Variants in CREB5 observed in about 807,000 individuals in gnomAD.
The protein encoded by CREB5 is cAMP responsive element binding protein 5, also known as cyclic AMP-responsive element-binding protein 5.
Under a neutral mutation model 57.1 loss-of-function variants are expected in CREB5, and 19 were observed. That is an observed-to-expected ratio of 0.33 (90% confidence interval 0.23 to 0.49). The LOEUF (loss-of-function observed/expected upper bound fraction) is 0.49, where lower values mean the gene tolerates loss of function less well. CREB5 is among the 20% of genes least tolerant of loss of function. CREB5 has a pLI of 0.99. For missense variants in CREB5, 579 were observed against 671.6 expected, an observed-to-expected ratio of 0.86 and a Z score of 1.52; for synonymous variants, 238 against 238.3, an observed-to-expected ratio of 1.00 and a Z score of 0.01.
chr7:28,301,552 G>A lies in CREB5; in HGVS notation c.-25+2111G>A, dbSNP rs181701440. ...CAGTGAGTTAGAAATTATGACTCAG[G>A]TCCAACCCCGGATATACTGAATAAG... On this transcript the variant is annotated intron_variant, in intron 1 of 9. Coordinates refer to the CREB5 transcript ENST00000396299. 2.0e-3 allele frequency among the ~76,000 whole-genome samples: 310 copies of A among 152,146 alleles called. 1 individual carries two copies. Among genetic ancestry groups the A allele is most frequent in the Non-Finnish European group, 2.3e-3 (155 of 68,026 alleles).
At chr7:28,559,686 T>C (rs1795005921) in intron 4 of CREB5, among the ~76,000 whole-genome samples, 1 of 152,248 alleles carries the variant, frequency 6.6e-6, no homozygotes, top group African/African-American at 2.4e-5. Context: ...GAGGAAATTG[T>C]CTATCAGTTG....
At chr7:28,419,785 A>G (rs1788168303) in intron 1 of CREB5, among the ~76,000 whole-genome samples, 1 of 152,146 alleles carries the variant, frequency 6.6e-6, no homozygotes, top group Non-Finnish European at 1.5e-5. Context: ...AGATATTGTG[A>G]GATTAAAAAA....
chr7:28,800,507 C>T (rs1179200091), intron 7 of CREB5, among the ~76,000 whole-genome samples: 1 of 152,182 alleles, frequency 6.6e-6, no homozygotes, highest in Non-Finnish European at 1.5e-5. Context: ...GGGTTAAAGC[C>T]AAGGGTGAGG....
At position 28,341,703 on chromosome 7, in the gene CREB5, A is replaced by G. The variant is rs923909428; in HGVS notation, c.-25+42262A>G. On this transcript the variant is annotated intron_variant, in intron 1 of 9. Coordinates refer to the CREB5 transcript ENST00000396299. ...ATAACCATTTATTGTTTTACATTGA[A>G]TTGTCCTGGAGAATATAGTGAATTG... is the stretch of plus-strand genomic sequence containing the variant. Among the ~76,000 whole-genome samples the G allele has an allele frequency of 2.6e-5, 4 of 152,334 alleles. No homozygotes were observed. The East Asian group carries it at 7.7e-4, about 29-fold the overall frequency.
At chr7:28,394,182 A>G (rs567140265) in intron 1 of CREB5, among the ~76,000 whole-genome samples, 30 of 151,780 alleles carry the variant, frequency 2.0e-4, no homozygotes, top group African/African-American at 6.8e-4. Context: ...AAAGAAATAT[A>G]ATTGATATTT....
chr7:28,499,176 G>GGA (rs1554333816), intron 3 of CREB5, among the ~76,000 whole-genome samples: 2 of 126,242 alleles, frequency 1.6e-5, no homozygotes, highest in African/African-American at 5.9e-5. Context: ...TTCTGTGCAG[G>GGA]AAAAAAAAAA....
At chr7:28,306,591 C>T (rs1295533246) in intron 1 of CREB5, among the ~76,000 whole-genome samples, 28 of 115,198 alleles carry the variant, frequency 2.4e-4, no homozygotes, top group Non-Finnish European at 4.6e-4. Flanking sequence ...GACGGAGTCT[C>T]GCTCTGTCGC....
intron 1 of CREB5, among the ~76,000 whole-genome samples, chr7:28,363,786 T>A (rs1786534036): frequency 6.6e-6 from 1 of 152,226 alleles, no homozygotes; most frequent in Non-Finnish European, 1.5e-5. Context: ...GACTCCAGAA[T>A]GCTACTTAAT....
intron 5 of CREB5, among the ~76,000 whole-genome samples, chr7:28,613,711 C>T (rs958415480): frequency 2.6e-5 from 4 of 152,146 alleles, no homozygotes; most frequent in African/African-American, 7.2e-5. Context: ...CCAACAAACT[C>T]AGTAGGCATT....
chr7:28,809,239 A>C lies in CREB5; in HGVS notation c.1079A>C (p.Gln360Pro), dbSNP rs878881764. 1.2e-6 allele frequency: 2 copies of C among 1,614,140 alleles called. No homozygotes were observed. Among genetic ancestry groups the C allele is most frequent in the South Asian group, 2.2e-5 (2 of 91,070 alleles). ...CCAACCCAGACAATACAGCCACCCC[A>C]GCCCACAGGGGGGCGCCGGCGAAGG... is the stretch of plus-strand genomic sequence containing the variant. ...MQPTQTIQPP[Q>P]PTGGRRRRVV... is the part of the protein sequence containing the mutation. Residue 360 changes from glutamine (Q) to proline (P), a missense_variant, in exon 9 of 11, where the codon CAG becomes CCG. Transcript: ENST00000357727.
At chr7:28,657,935 C>T (rs1799400654) in intron 5 of CREB5, among the ~76,000 whole-genome samples, 1 of 152,062 alleles carries the variant, frequency 6.6e-6, no homozygotes, top group Non-Finnish European at 1.5e-5. Context: ...TTTGTTTGCA[C>T]ACAGAGAACA....
chr7:28,585,182 T>C (rs905331650), intron 5 of CREB5, among the ~76,000 whole-genome samples: 2 of 152,244 alleles, frequency 1.3e-5, no homozygotes, highest in Non-Finnish European at 2.9e-5. Flanking sequence ...GATTAAGCTG[T>C]CTGCCCTATA....
At chr7:28,365,739 T>A (rs1309642500) in intron 1 of CREB5, among the ~76,000 whole-genome samples, 1 of 152,184 alleles carries the variant, frequency 6.6e-6, no homozygotes, top group African/African-American at 2.4e-5. Context: ...CCAAATGCAT[T>A]CCCATTTTAC....
chr7:28,728,031 G>A (rs1428426188), intron 7 of CREB5, among the ~76,000 whole-genome samples: 3 of 152,022 alleles, frequency 2.0e-5, no homozygotes, highest in Admixed American at 6.6e-5. Context: ...CTGCAGCCTC[G>A]AATTCCTGGG....
Position 28,560,921 on chromosome 7 carries a change from T to C in CREB5, c.292-9444T>C, listed in dbSNP as rs1474099166. ...GCGTGCGCGCGTGCGTGTGCGTGTG[T>C]GCGCGTGCGTGTGTGCGTGCGTGTG... On this transcript the variant is annotated intron_variant, in intron 4 of 10. Transcript: ENST00000357727. Among the ~76,000 whole-genome samples, 207 of 40,502 alleles carry C rather than the reference T, an allele frequency of 5.1e-3. 19 individuals are homozygous for C. The highest frequency in any genetic ancestry group is 0.01 in the Middle Eastern group (1 of 96). 26.6% of individuals were successfully genotyped at this position (40,502 alleles called of 152,430 possible). A position where few individuals can be genotyped will look rare whatever the true frequency, so the allele number is the denominator to read the frequency against.
intron 4 of CREB5, among the ~76,000 whole-genome samples, chr7:28,554,852 T>C (rs216734): frequency 0.89 from 135,166 of 152,292 alleles, 60,248 homozygotes; most frequent in African/African-American, 0.97. Context: ...CATGAGCGAG[T>C]CAAGGAGGGA....
chr7:28,537,236 T>C (rs216725), intron 4 of CREB5, among the ~76,000 whole-genome samples: 91,852 of 152,106 alleles, frequency 0.6, 27,937 homozygotes, highest in South Asian at 0.71. Context: ...ATGAGATACA[T>C]GATACAGGAT....
intron 7 of CREB5, among the ~76,000 whole-genome samples, chr7:28,776,845 G>T (rs1344878377): frequency 6.6e-6 from 1 of 152,068 alleles, no homozygotes; most frequent in African/African-American, 2.4e-5. Flanking sequence ...ATGTTTTTAA[G>T]GTCCATCCAT....
intron 4 of CREB5, among the ~76,000 whole-genome samples, chr7:28,561,033 T>TGTGTGTGC (rs1795251215): frequency 7.2e-5 from 6 of 83,466 alleles, no homozygotes; most frequent in African/African-American, 2.2e-4. Flanking sequence ...TGCGTGTGTG[T>TGTGTGTGC]GTGTGTGTGT....
Sources: gnomAD v4.1 joint callset for allele counts (sites outside exome capture counted in the v4.1 genomes callset) on GRCh38, gnomAD v4.1.1 for gene constraint, MANE v1.5 for transcripts, NCBI Gene and HGNC (gene_info 2026-07-23, HGNC 2026-07-21) for gene names.